RFLNA: variants seen among roughly 807,000 people sequenced by gnomAD.
RFLNA encodes refilin-A.
Under a neutral mutation model 7.8 loss-of-function variants are expected in RFLNA, and 5 were observed. The ratio of observed to expected loss-of-function variants is 0.64; its 90% CI spans 0.34 to 1.35. The LOEUF (loss-of-function observed/expected upper bound fraction) is 1.35, where lower values mean the gene tolerates loss of function less well. Among genes scored for constraint, RFLNA ranks in the 40% most tolerant of loss-of-function variants. The pLI, the probability that RFLNA is intolerant of heterozygous loss-of-function variation, is 0.04. For missense variants in RFLNA, 278 were observed against 305.5 expected (o/e 0.91, Z 0.67); for synonymous variants, 141 against 131.3 (o/e 1.07, Z -0.50).
intron 2 of RFLNA, among the ~76,000 whole-genome samples, chr12:124,312,448 C>CTGCA (rs1184051313): frequency 6.6e-6 from 1 of 151,886 alleles, no homozygotes; most frequent in African/African-American, 2.4e-5. Context: ...GTAGCTGAGA[C>CTGCA]TGCAGGTGTG....
chr12:124,302,567 C>A (rs2034057180), intron 1 of RFLNA, among the ~76,000 whole-genome samples: 1 of 152,156 alleles, frequency 6.6e-6, no homozygotes, highest in Non-Finnish European at 1.5e-5. Flanking sequence ...CGGCCCCCTG[C>A]CCCAGGATTC....
In RFLNA at chr12:124,312,188, G is replaced by A. The variant is rs562057447; in HGVS notation, c.317+261G>A. 1.4e-4 allele frequency among the ~76,000 whole-genome samples: 22 copies of A among 152,168 alleles called. 1 individual carries two copies. In the South Asian group the frequency reaches 2.5e-3, roughly 17 times the overall value. On this transcript the variant is annotated intron_variant, in intron 2 of 2. Transcript: ENST00000546355. ...GCCCCCACCCCAGGTCTATTCAGCC[G>A]TTTCCCATTTCCCCATTTACCTTCT...
intron 1 of RFLNA, among the ~76,000 whole-genome samples, chr12:124,304,510 C>T (rs2034104486): frequency 6.6e-6 from 1 of 152,228 alleles, no homozygotes; most frequent in Non-Finnish European, 1.5e-5. Flanking sequence ...CGGAAAGGGG[C>T]TGCCTTTGTC....
chr12:124,314,485 A>T lies in RFLNA; in HGVS notation c.611A>T (p.Gln204Leu). The T allele has an allele frequency of 1.9e-6, 3 of 1,596,536 alleles. No individual in the cohort carries two copies. The highest frequency in any genetic ancestry group is 2.5e-6 in the Non-Finnish European group (3 of 1,178,494). ...GCCAGCGTGCAGCTGCAGCTTTGCCAGGACCCTGCCCCCAGCCTCCTGGGC... is the reference window on the plus strand; with the variant it reads ...GCCAGCGTGCAGCTGCAGCTTTGCCTGGACCCTGCCCCCAGCCTCCTGGGC... Reference protein sequence around the residue: ...FTASVQLQLCQDPAPSLLGPA... With the variant: ...FTASVQLQLCLDPAPSLLGPA... The change falls in exon 3 of 3, where the codon CAG (glutamine) becomes CTG (leucine). Residue 204 changes from glutamine (Q) to leucine (L), a missense_variant. Coordinates refer to ENST00000546355, the MANE Select transcript of RFLNA (RefSeq NM_001365156.1).
At chr12:124,300,143 A>C (rs1474245095) in intron 1 of RFLNA, among the ~76,000 whole-genome samples, 1 of 152,218 alleles carries the variant, frequency 6.6e-6, no homozygotes, top group Non-Finnish European at 1.5e-5. Context: ...GGGCAATGGC[A>C]GGTGGTGACA....
chr12:124,290,266 A>T (rs966553904), upstream of RFLNA, among the ~76,000 whole-genome samples: 9 of 152,164 alleles, frequency 5.9e-5, no homozygotes, highest in Middle Eastern at 6.8e-3. This position sits in a 1 kb window ranked among gnomAD's most constrained non-coding sequence, Gnocchi z 4.0. Context: ...GTGTGTGGGT[A>T]CATGTGTGTA....
intron 1 of RFLNA, among the ~76,000 whole-genome samples, chr12:124,299,383 G>T (rs2033986905): frequency 6.6e-6 from 1 of 152,170 alleles, no homozygotes; most frequent in African/African-American, 2.4e-5. Flanking sequence ...TAGGTTTTGG[G>T]GGAACAGGTG....
chr12:124,303,335 C>A (rs541553012), intron 1 of RFLNA, among the ~76,000 whole-genome samples: 1 of 152,172 alleles, frequency 6.6e-6, no homozygotes, highest in Non-Finnish European at 1.5e-5. Flanking sequence ...CAGCGGCTCC[C>A]GGGGAAGGCT....
Position 124,306,852 on chromosome 12 carries a change from C to T in RFLNA, c.208-4966C>T, listed in dbSNP as rs1428120623. 6.6e-6 allele frequency among the ~76,000 whole-genome samples: 1 copy of T among 152,108 alleles called. No homozygotes were observed. Reference sequence around the variant, plus strand: ...GATATCAAGCTAGGTCCCTGCAGGACTTGGCTCTGAGTTCACAGTTCCCGC... The same window carrying T: ...GATATCAAGCTAGGTCCCTGCAGGATTTGGCTCTGAGTTCACAGTTCCCGC... On this transcript the variant is annotated intron_variant, in intron 1 of 2. Coordinates refer to ENST00000546355, the MANE Select transcript of RFLNA (RefSeq NM_001365156.1). This position sits in a 1 kb window ranked among gnomAD's most constrained non-coding sequence, Gnocchi z 5.2.
upstream of RFLNA, among the ~76,000 whole-genome samples, chr12:124,292,262 G>C (rs1211500664): frequency 6.6e-6 from 1 of 152,092 alleles, no homozygotes; most frequent in Non-Finnish European, 1.5e-5. Context: ...CGTAGACCTA[G>C]TACCTTCTTC....
chr12:124,296,514 C>G (rs1430477238), intron 1 of RFLNA, among the ~76,000 whole-genome samples: 4 of 152,142 alleles, frequency 2.6e-5, no homozygotes, highest in Non-Finnish European at 4.4e-5. Context: ...GCGCCCTGCC[C>G]ACCTTAACAG....
At position 124,295,334 on chromosome 12, in the gene RFLNA, C is replaced by A; in HGVS notation, c.-96C>A. 2 of 657,486 alleles carry A rather than the reference C, an allele frequency of 3.0e-6. No individual in the cohort carries two copies. The highest frequency in any genetic ancestry group is 2.1e-6 in the Non-Finnish European group (1 of 477,950). 40.7% of individuals were successfully genotyped at this position (657,486 alleles called of 1,614,324 possible). On this transcript the variant is annotated 5_prime_UTR_variant, in exon 1 of 3. Transcript: ENST00000546355. ...CGCGGTGCCCGCAGGTCCCCGGGCGCGCAGCTCTCGCCCCGCCGCCGCCTG... is the reference window on the plus strand; with the variant it reads ...CGCGGTGCCCGCAGGTCCCCGGGCGAGCAGCTCTCGCCCCGCCGCCGCCTG...
chr12:124,305,866 G>C (rs2034128007), intron 1 of RFLNA, among the ~76,000 whole-genome samples: 1 of 152,200 alleles, frequency 6.6e-6, no homozygotes, highest in East Asian at 1.9e-4. Flanking sequence ...GGGAGCAGCT[G>C]CCTCTCTTTT....
intron 1 of RFLNA, among the ~76,000 whole-genome samples, chr12:124,304,599 G>A (rs748750694): frequency 5.3e-5 from 8 of 152,214 alleles, no homozygotes; most frequent in South Asian, 2.1e-4. Flanking sequence ...GAGAGATGCC[G>A]GGGCGGGGGC....
chr12:124,289,564 T>C lies in RFLNA; in HGVS notation c.-37+194T>C, dbSNP rs2033786171. 6.6e-6 allele frequency among the ~76,000 whole-genome samples: 1 copy of C among 152,206 alleles called. No homozygotes were observed. The highest frequency in any genetic ancestry group is 2.4e-5 in the African/African-American group (1 of 41,460). Reference sequence around the variant, plus strand: ...CCAGGTCAAAGGCACTTTGAATTCATTTTGTCCCCGCTTCCCTGTCTTAGT... The same window carrying C: ...CCAGGTCAAAGGCACTTTGAATTCACTTTGTCCCCGCTTCCCTGTCTTAGT... On this transcript the variant is annotated intron_variant, in intron 1 of 2. Transcript: ENST00000324038. This position sits in a 1 kb window ranked among gnomAD's most constrained non-coding sequence, Gnocchi z 5.0.
chr12:124,311,696 C>T, intron 1 of RFLNA, 122 bp from the exon 2 acceptor site: 1 of 956,684 alleles, frequency 1.0e-6, no homozygotes, highest in Non-Finnish European at 1.5e-6. Flanking sequence ...ATGGGCCCCA[C>T]CAAGCAGCTT....
chr12:124,299,411 T>G (rs202086207), intron 1 of RFLNA, among the ~76,000 whole-genome samples: 20,282 of 152,188 alleles, frequency 0.13, 1,668 homozygotes, highest in East Asian at 0.3. Flanking sequence ...GTGACATGAG[T>G]CAATTCTTTA....
At position 124,311,903 on chromosome 12, in the gene RFLNA, A is replaced by G; in HGVS notation, c.293A>G (p.Asn98Ser). 6.7e-7 allele frequency: 1 copy of G among 1,483,332 alleles called. No homozygotes were observed. The highest frequency in any genetic ancestry group is 9.1e-7 in the Non-Finnish European group (1 of 1,104,338). The allele number at this position is 1,483,332 out of a possible 1,614,324, so 91.9% of individuals were successfully genotyped here. A position where few individuals can be genotyped will look rare whatever the true frequency, so the allele number is the denominator to read the frequency against. Residue 98 changes from asparagine to serine, a missense_variant, in exon 2 of 3, where the codon AAC becomes AGC. Transcript: ENST00000546355. ...PVFFGESIKV[N>S]PEPTHEIRCN... is the part of the protein sequence containing the mutation. The stretch of plus-strand genomic sequence containing the variant: ...TTCTTTGGGGAGAGCATCAAGGTGA[A>G]CCCGGAACCCACGCATGAGATCCGG...
chr12:124,309,170 AC>A (rs1263514698), intron 1 of RFLNA, among the ~76,000 whole-genome samples: 2 of 151,622 alleles, frequency 1.3e-5, no homozygotes, highest in African/African-American at 4.8e-5. Context: ...GCACTCCAGG[AC>A]CTGTGGGCCC....
Sources: gnomAD v4.1 joint callset for allele counts (sites outside exome capture counted in the v4.1 genomes callset) on GRCh38, gnomAD v4.1.1 for gene constraint, Gnocchi (gnomAD v3.1) non-coding constraint, MANE v1.5 for transcripts, NCBI Gene and HGNC (gene_info 2026-07-23, HGNC 2026-07-21) for gene names.